Variants in TBC1D32 observed in about 807,000 individuals in gnomAD.
TBC1D32 encodes TBC1 domain family member 32, also known as protein broad-minded.
In TBC1D32, 151 loss-of-function variants were observed where a neutral mutation model predicts 170.3. The observed-to-expected ratio is 0.89, with a 90% CI of 0.78 to 1.01. TBC1D32 has a LOEUF of 1.01. TBC1D32 is among the 50% of genes least tolerant of loss of function. The probability of loss-of-function intolerance (pLI) is 0.00; values close to 1 mark genes in which losing one functional copy is unlikely to be tolerated. For synonymous variants in TBC1D32, 498 were observed against 488.0 expected (o/e 1.02, Z -0.27); for missense variants, 1,464 against 1,457.1 (o/e 1.00, Z -0.08).
rs755328495 is a variant in TBC1D32 at position 121,323,916 on chromosome 6, G to C, written c.156-2122C>G. On this transcript the variant is annotated intron_variant, in intron 1 of 31. Transcript: ENST00000398212. Reference sequence around the variant, plus strand: ...GATTGCGCCACTGCACTCCAGCTTGGTGACAGAGCAAGACTCCACCTCAAA... The same window carrying C: ...GATTGCGCCACTGCACTCCAGCTTGCTGACAGAGCAAGACTCCACCTCAAA... 1.4e-4 allele frequency among the ~76,000 whole-genome samples: 22 copies of C among 152,126 alleles called. 1 individual carries two copies. Among genetic ancestry groups the C allele is most frequent in the Non-Finnish European group, 3.1e-4 (21 of 68,012 alleles).
intron 20 of TBC1D32, among the ~76,000 whole-genome samples, chr6:121,225,102 G>C (rs1794915694): frequency 6.6e-6 from 1 of 151,966 alleles, no homozygotes; most frequent in Admixed American, 6.6e-5. Flanking sequence ...GAATGTTTAA[G>C]AAATATGTCT....
intron 4 of TBC1D32, among the ~76,000 whole-genome samples, chr6:121,309,783 C>T (rs897943854): frequency 5.3e-5 from 8 of 152,230 alleles, no homozygotes; most frequent in South Asian, 2.1e-4. Context: ...CTTATAATCC[C>T]AGCACTTTGG....
At chr6:121,293,113 A>G (rs1478823351) in intron 11 of TBC1D32, among the ~76,000 whole-genome samples, 2 of 151,744 alleles carry the variant, frequency 1.3e-5, no homozygotes, top group African/African-American at 4.9e-5. Context: ...GAAATGAGCA[A>G]GAATTTTTTT....
chr6:121,236,378 T>C (rs1796330999), intron 20 of TBC1D32, among the ~76,000 whole-genome samples: 1 of 152,178 alleles, frequency 6.6e-6, no homozygotes, highest in Non-Finnish European at 1.5e-5. Flanking sequence ...GGCAATTGTC[T>C]ACCATGTTTA....
chr6:121,120,725 TTA>T (rs1780171475), intron 26 of TBC1D32, among the ~76,000 whole-genome samples: 1 of 152,036 alleles, frequency 6.6e-6, no homozygotes, highest in Non-Finnish European at 1.5e-5. Context: ...CAGAGAACAG[TTA>T]TAGGGTTGAA....
intron 15 of TBC1D32, among the ~76,000 whole-genome samples, chr6:121,275,531 TAAGTA>T (rs1802096331): frequency 6.6e-6 from 1 of 152,104 alleles, no homozygotes; most frequent in Non-Finnish European, 1.5e-5. Context: ...ATGAATCAAA[TAAGTA>T]AATATAAATC....
chr6:121,251,423 T>G (rs1035812327), intron 17 of TBC1D32, among the ~76,000 whole-genome samples: 3 of 152,108 alleles, frequency 2.0e-5, no homozygotes, highest in Admixed American at 6.5e-5. Context: ...CCATGTGATC[T>G]TCAACAAACC....
intron 17 of TBC1D32, among the ~76,000 whole-genome samples, chr6:121,249,060 C>T (rs1583393312): frequency 6.6e-6 from 1 of 151,738 alleles, no homozygotes; most frequent in Non-Finnish European, 1.5e-5. Context: ...CAAAATAATA[C>T]TTGCTAATCA....
intron 9 of TBC1D32, among the ~76,000 whole-genome samples, chr6:121,300,409 T>C (rs1243011280): frequency 6.6e-6 from 1 of 151,998 alleles, no homozygotes; most frequent in African/African-American, 2.4e-5. Flanking sequence ...ATTGCGCCAC[T>C]GCACTCCAGC....
At chr6:121,333,785 G>A (rs996635322) in intron 1 of TBC1D32, among the ~76,000 whole-genome samples, 1 of 152,178 alleles carries the variant, frequency 6.6e-6, no homozygotes, top group African/African-American at 2.4e-5. Flanking sequence ...TAGAGGCGGC[G>A]GCCGGGCGCG....
At chr6:121,295,577 T>C (rs547102669) in intron 10 of TBC1D32, among the ~76,000 whole-genome samples, 1 of 151,844 alleles carries the variant, frequency 6.6e-6, no homozygotes, top group African/African-American at 2.4e-5. Context: ...TATGCTTAAA[T>C]GTTACTGGGG....
chr6:121,160,821 C>G, intron 23 of TBC1D32, 127 bp downstream of exon 23: 1 of 712,540 alleles, frequency 1.4e-6, no homozygotes, highest in Non-Finnish European at 2.5e-6. Flanking sequence ...TAAATATTCT[C>G]AAGTAATAAG....
intron 1 of TBC1D32, among the ~76,000 whole-genome samples, chr6:121,328,888 G>A (rs1384288776): frequency 6.6e-6 from 1 of 151,912 alleles, no homozygotes. Context: ...AATTTAATGA[G>A]AAAAAATAAA....
At chr6:121,330,585 GC>G (rs1379769758) in intron 1 of TBC1D32, among the ~76,000 whole-genome samples, 2 of 152,100 alleles carry the variant, frequency 1.3e-5, no homozygotes, top group Non-Finnish European at 1.5e-5. Context: ...TCACTGAAAT[GC>G]CAGTAACTAT....
intron 20 of TBC1D32, among the ~76,000 whole-genome samples, chr6:121,227,610 T>C (rs2128336255): frequency 6.6e-6 from 1 of 152,118 alleles, no homozygotes; most frequent in East Asian, 1.9e-4. Context: ...GGTTAAGTCG[T>C]ATTTTCATAC....
intron 20 of TBC1D32, chr6:121,224,257 G>A (rs768175829): frequency 3.9e-5 from 6 of 152,120 alleles, no homozygotes; most frequent in Non-Finnish European, 8.8e-5. Context: ...TTCAAAATAT[G>A]TCACATCTGT....
At chr6:121,325,125 T>A (rs533374241) in intron 1 of TBC1D32, among the ~76,000 whole-genome samples, 3 of 150,822 alleles carry the variant, frequency 2.0e-5, no homozygotes, top group Non-Finnish European at 4.4e-5. Context: ...GGCAGGAGAA[T>A]CGCTTGAGCC....
chr6:121,304,301 G>A, intron 8 of TBC1D32, 64 bp downstream of exon 8: 1 of 1,460,502 alleles, frequency 6.8e-7, no homozygotes, highest in Non-Finnish European at 9.5e-7. Flanking sequence ...CTTTCTGTCT[G>A]AAACGTATAT....
intron 24 of TBC1D32, among the ~76,000 whole-genome samples, chr6:121,139,281 A>G (rs1582929008): frequency 6.6e-6 from 1 of 152,234 alleles, no homozygotes; most frequent in Non-Finnish European, 1.5e-5. Flanking sequence ...GTCATTCGTT[A>G]AATAGGCAAT....
Sources: allele counts gnomAD v4.1 joint callset (sites outside exome capture counted in the v4.1 genomes callset), GRCh38; gene constraint gnomAD v4.1.1; transcripts MANE v1.5; gene names NCBI Gene and HGNC (gene_info 2026-07-23, HGNC 2026-07-21).